CACNA2D3: variants seen among roughly 807,000 people sequenced by gnomAD.
CACNA2D3 encodes the protein voltage-dependent calcium channel subunit alpha-2/delta-3.
CACNA2D3 carries 60 observed loss-of-function variants against 160.6 expected under a neutral mutation model. The ratio of observed to expected loss-of-function variants is 0.37; its 90% CI spans 0.30 to 0.46. The LOEUF (loss-of-function observed/expected upper bound fraction) is 0.46, where lower values mean the gene tolerates loss of function less well. CACNA2D3 is among the 20% of genes least tolerant of loss of function. The pLI is 1.00. For missense variants in CACNA2D3, 1,205 were observed against 1,365.0 expected, an observed-to-expected ratio of 0.88 and a Z score of 1.85; for synonymous variants, 558 against 492.9, an observed-to-expected ratio of 1.13 and a Z score of -1.75.
Position 54,401,567 on chromosome 3 carries a change from C to T in CACNA2D3, c.381+14793C>T, listed in dbSNP as rs1432435210. Among the ~76,000 whole-genome samples, 9 of 152,004 alleles carry T rather than the reference C, an allele frequency of 5.9e-5. 1 individual carries two copies. The highest frequency in any genetic ancestry group is 4.2e-4 in the South Asian group (2 of 4,808). On this transcript the variant is annotated intron_variant, in intron 4 of 37. Coordinates refer to ENST00000474759, the MANE Select transcript of CACNA2D3 (RefSeq NM_018398.3). Reference sequence around the variant, plus strand: ...ATGTCAGTGAATTTCTTAAGAGAAACGTTGCAAGCCAGGAGAGAAAGGGAT... The same window carrying T: ...ATGTCAGTGAATTTCTTAAGAGAAATGTTGCAAGCCAGGAGAGAAAGGGAT...
intron 4 of CACNA2D3, among the ~76,000 whole-genome samples, chr3:54,492,336 G>C (rs1379600247): frequency 1.3e-5 from 2 of 152,118 alleles, no homozygotes; most frequent in Non-Finnish European, 2.9e-5. Flanking sequence ...AGCAATTCTG[G>C]ACACTTCTGG....
intron 2 of CACNA2D3, among the ~76,000 whole-genome samples, chr3:54,188,272 A>AAAC (rs1559876279): frequency 1.5e-4 from 21 of 143,832 alleles, no homozygotes; most frequent in African/African-American, 3.1e-4. Flanking sequence ...AACAAACAAA[A>AAAC]AAACCAGTAG....
At chr3:54,571,921 C>T (rs776192418) in intron 8 of CACNA2D3, among the ~76,000 whole-genome samples, 3 of 152,134 alleles carry the variant, frequency 2.0e-5, no homozygotes, top group Non-Finnish European at 4.4e-5. Flanking sequence ...AGTTGATGCA[C>T]CAGAGTCAAG....
intron 11 of CACNA2D3, among the ~76,000 whole-genome samples, chr3:54,712,649 C>T (rs1700973915): frequency 6.6e-6 from 1 of 152,178 alleles, no homozygotes; most frequent in Admixed American, 6.5e-5. Flanking sequence ...GTAAATTGCC[C>T]AGTCTTGGGT....
At chr3:54,882,135 G>T (rs1436107719) in intron 21 of CACNA2D3, among the ~76,000 whole-genome samples, 1 of 152,198 alleles carries the variant, frequency 6.6e-6, no homozygotes, top group Non-Finnish European at 1.5e-5. Flanking sequence ...CACTCTGCAG[G>T]ATGTGTTTTC....
intron 2 of CACNA2D3, among the ~76,000 whole-genome samples, chr3:54,298,968 AAAAAAG>A (rs1390992329): frequency 1.2e-5 from 1 of 83,820 alleles, no homozygotes; most frequent in African/African-American, 4.4e-5. Flanking sequence ...AAAAAAAAAA[AAAAAAG>A]AAGAAGAAAG....
intron 2 of CACNA2D3, among the ~76,000 whole-genome samples, chr3:54,260,903 ACT>A (rs1480211511): frequency 1.3e-5 from 2 of 151,712 alleles, no homozygotes; most frequent in Non-Finnish European, 2.9e-5. Flanking sequence ...TTGCCCAGTA[ACT>A]CTGTATCATG....
intron 24 of CACNA2D3, among the ~76,000 whole-genome samples, chr3:54,890,722 A>G (rs1249358864): frequency 6.6e-6 from 1 of 152,166 alleles, no homozygotes; most frequent in Non-Finnish European, 1.5e-5. Flanking sequence ...GTAGCCTCCT[A>G]CAGAGCTATT....
intron 9 of CACNA2D3, among the ~76,000 whole-genome samples, chr3:54,603,536 C>A (rs138081908): frequency 6.6e-6 from 1 of 152,202 alleles, no homozygotes; most frequent in Non-Finnish European, 1.5e-5. Flanking sequence ...ATCTTTCGTC[C>A]ATGTCTTCAC....
In CACNA2D3 at chr3:55,021,675, ATGTG is replaced by A. The variant is rs1337271198; in HGVS notation, c.2987+3360_2987+3363del. 3.6e-5 allele frequency among the ~76,000 whole-genome samples: 5 copies of A among 140,048 alleles called. No individual in the cohort carries two copies. The East Asian group carries it at 9.8e-4, about 28-fold the overall frequency. 91.9% of individuals were successfully genotyped at this position (140,048 alleles called of 152,430 possible). A position where few individuals can be genotyped will look rare whatever the true frequency, so the allele number is the denominator to read the frequency against. ...TATATATATGTGTGTGTATATATAT[ATGTG>A]TATATATATATATGTGTGTATATAT... On this transcript the variant is annotated intron_variant, in intron 35 of 37. Coordinates refer to ENST00000474759, the MANE Select transcript of CACNA2D3 (RefSeq NM_018398.3).
At chr3:54,732,433 C>T (rs771723705) in intron 11 of CACNA2D3, among the ~76,000 whole-genome samples, 28 of 152,246 alleles carry the variant, frequency 1.8e-4, no homozygotes, top group Non-Finnish European at 3.2e-4. Flanking sequence ...GGACAAGACA[C>T]GGGTCTGGGG....
chr3:54,208,403 T>G (rs1202756354), intron 2 of CACNA2D3, among the ~76,000 whole-genome samples: 1 of 152,190 alleles, frequency 6.6e-6, no homozygotes, highest in African/African-American at 2.4e-5. Context: ...CCACCACACC[T>G]GGCCAGAACT....
chr3:54,761,742 G>A (rs1314898805), intron 12 of CACNA2D3, among the ~76,000 whole-genome samples: 1 of 152,212 alleles, frequency 6.6e-6, no homozygotes, highest in Non-Finnish European at 1.5e-5. Context: ...AGGCCAGGAG[G>A]GTGGGGCAGG....
intron 26 of CACNA2D3, among the ~76,000 whole-genome samples, chr3:54,898,894 C>G (rs928035173): frequency 1.3e-5 from 2 of 152,198 alleles, no homozygotes; most frequent in Admixed American, 6.5e-5. Flanking sequence ...CTGCAAGTCT[C>G]TGTGGTGGAG....
intron 13 of CACNA2D3, among the ~76,000 whole-genome samples, chr3:54,768,674 A>G (rs1230657355): frequency 6.6e-6 from 1 of 152,152 alleles, no homozygotes; most frequent in Non-Finnish European, 1.5e-5. Flanking sequence ...ATTCTTATTT[A>G]CTTTAAAATA....
chr3:54,393,628 G>A (rs1699320743), intron 4 of CACNA2D3, among the ~76,000 whole-genome samples: 1 of 152,232 alleles, frequency 6.6e-6, no homozygotes, highest in Non-Finnish European at 1.5e-5. Flanking sequence ...CTGCATCCTG[G>A]GGAATTGGTG....
chr3:54,785,391 G>C (rs1359291240), intron 13 of CACNA2D3, among the ~76,000 whole-genome samples: 1 of 152,094 alleles, frequency 6.6e-6, no homozygotes, highest in African/African-American at 2.4e-5. Context: ...TGAATTTCAA[G>C]CAGTCTGTGA....
intron 5 of CACNA2D3, among the ~76,000 whole-genome samples, chr3:54,534,885 C>G (rs1701863467): frequency 6.6e-6 from 1 of 152,148 alleles, no homozygotes; most frequent in Non-Finnish European, 1.5e-5. Context: ...TGAGATTGCA[C>G]CACTGCACTG....
At position 54,679,920 on chromosome 3, in the gene CACNA2D3, C is replaced by T. The variant is rs147269540; in HGVS notation, c.1167+37679C>T. On this transcript the variant is annotated intron_variant, in intron 11 of 37. Coordinates refer to ENST00000474759, the MANE Select transcript of CACNA2D3 (RefSeq NM_018398.3). ...AAACTTTTAAAATGCTGCAGCAAAT[C>T]GTTTATTGCTTGAACCAGTGTGATA... Among the ~76,000 whole-genome samples the T allele has an allele frequency of 2.6e-4, 40 of 152,308 alleles. No homozygotes were observed. In the East Asian group the frequency reaches 6.9e-3, roughly 26 times the overall value.
Sources: allele counts gnomAD v4.1 joint callset (sites outside exome capture counted in the v4.1 genomes callset), GRCh38; gene constraint gnomAD v4.1.1; transcripts MANE v1.5; gene names NCBI Gene and HGNC (gene_info 2026-07-23, HGNC 2026-07-21).